The following KIDINS220 variants were observed in gnomAD, a reference collection of about 807,000 sequenced individuals.
KIDINS220 encodes kinase D-interacting substrate of 220 kDa.
KIDINS220 carries 63 observed loss-of-function variants against 157.6 expected under a neutral mutation model. The ratio of observed to expected loss-of-function variants is 0.40; its 90% confidence interval spans 0.33 to 0.49. KIDINS220 has a LOEUF of 0.49. KIDINS220 is among the 20% of genes least tolerant of loss of function. The pLI, the probability that KIDINS220 is intolerant of heterozygous loss-of-function variation, is 0.66. For missense variants in KIDINS220, 1,772 were observed against 2,171.2 expected, an observed-to-expected ratio of 0.82 and a Z score of 3.65; for synonymous variants, 732 against 783.6, an observed-to-expected ratio of 0.93 and a Z score of 1.10.
intron 8 of KIDINS220, 102 bp from the exon 9 acceptor site, chr2:8,800,600 A>C: frequency 1.2e-6 from 1 of 861,396 alleles, no homozygotes; most frequent in Non-Finnish European, 1.8e-6. Flanking sequence ...TTTTCTAAAA[A>C]TTTCTTGGAA....
chr2:8,789,725 G>C (rs970701884), intron 14 of KIDINS220, among the ~76,000 whole-genome samples, 155 bp downstream of exon 14: 7 of 152,124 alleles, frequency 4.6e-5, no homozygotes, highest in Admixed American at 3.9e-4. Context: ...TGTTCCTTTA[G>C]GAAAATTTAT....
chr2:8,727,133 G>C (rs1386811372), downstream of KIDINS220: 4 of 1,122,212 alleles, frequency 3.6e-6, no homozygotes, highest in African/African-American at 6.5e-5. Context: ...AGGTAGGGAA[G>C]GATAGGGAGT....
intron 2 of KIDINS220, among the ~76,000 whole-genome samples, chr2:8,823,332 A>C (rs1389357814): frequency 6.6e-6 from 1 of 152,152 alleles, no homozygotes; most frequent in Non-Finnish European, 1.5e-5. Flanking sequence ...ATGAAGTTAC[A>C]TAAATATTTT....
In KIDINS220 at chr2:8,744,376, AAAAAAAAAAAAAATATATATATATAATAT is replaced by A. The variant is rs1172418230; in HGVS notation, c.3585+2740_3585+2768del. Reference sequence around the variant, plus strand: ...TGTTCCTCATGGCAAAAAAAAAAAAAAAAAAAAAAAAAATATATATATATAATATATATATATATATATATATATATATA... The same window carrying A: ...TGTTCCTCATGGCAAAAAAAAAAAAAATATATATATATATATATATATATA... On this transcript the variant is annotated intron_variant, in intron 26 of 29. Coordinates refer to ENST00000256707, the MANE Select transcript of KIDINS220 (RefSeq NM_020738.4). Among the ~76,000 whole-genome samples, 16 of 17,790 alleles carry A rather than the reference AAAAAAAAAAAAAATATATATATATAATAT, an allele frequency of 9.0e-4. 1 individual carries two copies. The highest frequency in any genetic ancestry group is 2.5e-3 in the African/African-American group (12 of 4,826). 11.7% of individuals were successfully genotyped at this position (17,790 alleles called of 152,430 possible).
intron 17 of KIDINS220, 99 bp from the exon 18 acceptor site, chr2:8,779,913 A>T: frequency 7.8e-7 from 1 of 1,283,222 alleles, no homozygotes; most frequent in East Asian, 2.4e-5. Context: ...TAATAGGAAC[A>T]GAAGACATTC....
rs757636280 is a variant in KIDINS220, at chr2:8,731,707, G to A, written c.4329C>T (p.Pro1443=). ...TTAGAAAGGACTTCCTCCCATCATC[G>A]GGCTTTGGTTCACTATCCTTCCCCT... is the stretch of plus-strand genomic sequence containing the variant. ...QEKGKDSEPK[P]DDGRKSFLMK... is the part of the protein sequence containing the mutation. The change falls in exon 30 of 30, where the codon CCC becomes CCT. Residue 1443 remains proline, a synonymous_variant. Coordinates refer to ENST00000256707, the MANE Select transcript of KIDINS220 (RefSeq NM_020738.4). The surrounding 1 kb of genome is among the most constrained non-coding windows in gnomAD (Gnocchi z 5.2). The A allele has an allele frequency of 1.4e-5, 22 of 1,614,070 alleles. No individual in the cohort carries two copies. Among genetic ancestry groups the A allele is most frequent in the Non-Finnish European group, 1.7e-5 (20 of 1,180,012 alleles).
At chr2:8,754,785 A>G (rs1033394787) in intron 22 of KIDINS220, among the ~76,000 whole-genome samples, 5 of 152,242 alleles carry the variant, frequency 3.3e-5, no homozygotes, top group African/African-American at 1.2e-4. Context: ...CAAAATATAA[A>G]CAGATTCTTA....
At chr2:8,749,459 G>A (rs1572488050) in intron 24 of KIDINS220, 2 of 454,264 alleles carry the variant, frequency 4.4e-6, no homozygotes, top group East Asian at 7.0e-5. Context: ...ATTAAAGTGA[G>A]AATATAGCTT....
chr2:8,802,780 A>C (rs1208287942), intron 8 of KIDINS220, 150 bp downstream of exon 8: 8 of 612,842 alleles, frequency 1.3e-5, no homozygotes, highest in Non-Finnish European at 2.2e-5. Flanking sequence ...ACTATTGAAC[A>C]GTTTTTAACT....
At chr2:8,823,028 T>C (rs1678224022) in intron 2 of KIDINS220, among the ~76,000 whole-genome samples, 2 of 152,224 alleles carry the variant, frequency 1.3e-5, no homozygotes, top group African/African-American at 4.8e-5. Context: ...CAGGCTGAAG[T>C]GTAGTGGTGC....
chr2:8,808,266 C>T (rs1200073270), intron 6 of KIDINS220, among the ~76,000 whole-genome samples: 1 of 152,180 alleles, frequency 6.6e-6, no homozygotes, highest in African/African-American at 2.4e-5. Flanking sequence ...AATGCCTTTC[C>T]TAACTTTACA....
chr2:8,834,014 C>T (rs113487463), intron 1 of KIDINS220, among the ~76,000 whole-genome samples: 89 of 152,248 alleles, frequency 5.8e-4, no homozygotes, highest in African/African-American at 1.9e-3. Context: ...CCTCCAGATA[C>T]GACACAGTAA....
chr2:8,801,731 C>A (rs907471732), intron 8 of KIDINS220, among the ~76,000 whole-genome samples: 2 of 152,104 alleles, frequency 1.3e-5, no homozygotes, highest in African/African-American at 4.8e-5. Context: ...CATAGTGAGA[C>A]CCTGTCTCTC....
chr2:8,728,286 T>C (rs1205819800), downstream of KIDINS220, among the ~76,000 whole-genome samples: 1 of 152,078 alleles, frequency 6.6e-6, no homozygotes, highest in African/African-American at 2.4e-5. Context: ...ATGGCGCCAC[T>C]ACACTCAGCC....
intron 1 of KIDINS220, among the ~76,000 whole-genome samples, chr2:8,832,423 A>G (rs1679776854): frequency 6.6e-6 from 1 of 152,232 alleles, no homozygotes; most frequent in Admixed American, 6.5e-5. Flanking sequence ...TACACACAAT[A>G]GTAAAACCAA....
chr2:8,769,187 A>T (rs755222234), intron 22 of KIDINS220, among the ~76,000 whole-genome samples: 9 of 152,214 alleles, frequency 5.9e-5, no homozygotes, highest in Non-Finnish European at 1.2e-4. Context: ...TAAGGCACCT[A>T]GCAAAGTACC....
chr2:8,764,422 TCCACCAGA>T (rs1327702840), intron 22 of KIDINS220, among the ~76,000 whole-genome samples: 4 of 152,084 alleles, frequency 2.6e-5, no homozygotes, highest in Non-Finnish European at 5.9e-5. Flanking sequence ...ACAGAGCAAC[TCCACCAGA>T]CCATGGCATT....
Position 8,798,304 on chromosome 2 carries a change from G to C in KIDINS220, c.901-4C>G, listed in dbSNP as rs1487037046. 2 of 1,529,574 alleles carry C rather than the reference G, an allele frequency of 1.3e-6. No individual in the cohort carries two copies. Among genetic ancestry groups the C allele is most frequent in the African/African-American group, 1.4e-5 (1 of 72,930 alleles). 94.8% of individuals were successfully genotyped at this position (1,529,574 alleles called of 1,614,324 possible). A position where few individuals can be genotyped will look rare whatever the true frequency, so the allele number is the denominator to read the frequency against. ...AATACAAAGCAGTTTTATTATCCTA[G>C]ATAATTAAAAAAAACACAATCACTT... On this transcript the variant is annotated splice_region_variant and splice_polypyrimidine_tract_variant and intron_variant, in intron 9 of 29. Coordinates refer to ENST00000256707, the MANE Select transcript of KIDINS220 (RefSeq NM_020738.4).
Position 8,813,849 on chromosome 2 carries a change from G to A in KIDINS220, c.307-514C>T, listed in dbSNP as rs557310302. ...TGAGGCAGGAGAACCACTTGAACCC[G>A]GGAGGCAGAGGTTGCAGTAAGCCAA... On this transcript the variant is annotated intron_variant, in intron 4 of 29. Coordinates refer to ENST00000256707, the MANE Select transcript of KIDINS220 (RefSeq NM_020738.4). 1.2e-4 allele frequency among the ~76,000 whole-genome samples: 19 copies of A among 152,222 alleles called. No homozygotes were observed. The East Asian group carries it at 1.5e-3, about 12-fold the overall frequency.
Sources: allele counts gnomAD v4.1 joint callset (sites outside exome capture counted in the v4.1 genomes callset), GRCh38; gene constraint gnomAD v4.1.1; non-coding constraint Gnocchi (gnomAD v3.1); transcripts MANE v1.5; gene names NCBI Gene and HGNC (gene_info 2026-07-23, HGNC 2026-07-21).